CHD9: variants seen among roughly 807,000 people sequenced by gnomAD.
The protein encoded by CHD9 is chromodomain helicase DNA binding protein 9, also known as ATP-dependent chromatin remodeler CHD9.
In CHD9, 77 loss-of-function variants were observed where a neutral mutation model predicts 316.1. The observed-to-expected ratio is 0.24, with a 90% CI of 0.20 to 0.29. The LOEUF (loss-of-function observed/expected upper bound fraction) is 0.29, where lower values mean the gene tolerates loss of function less well. Ranked by LOEUF, CHD9 falls within the 10% of genes least tolerant of loss-of-function variation. The pLI, the probability that CHD9 is intolerant of heterozygous loss-of-function variation, is 1.00. For missense variants in CHD9, 2,763 were observed against 3,438.1 expected, an observed-to-expected ratio of 0.80 and a Z score of 4.91; for synonymous variants, 1,129 against 1,158.3, an observed-to-expected ratio of 0.97 and a Z score of 0.51.
intron 1 of CHD9, among the ~76,000 whole-genome samples, chr16:53,072,811 C>T (rs1383304202): frequency 6.6e-6 from 1 of 152,116 alleles, no homozygotes; most frequent in Non-Finnish European, 1.5e-5. Flanking sequence ...TCTCCTGCCT[C>T]AGCCTCCTGA....
chr16:53,248,526 GTTTTT>G (rs542703474), intron 16 of CHD9, among the ~76,000 whole-genome samples: 1 of 105,994 alleles, frequency 9.4e-6, no homozygotes, highest in South Asian at 3.1e-4. Flanking sequence ...TTTTTTTTTT[GTTTTT>G]TTTTTTTTTT....
At chr16:53,080,308 C>T (rs1197793581) in intron 1 of CHD9, among the ~76,000 whole-genome samples, 3 of 152,156 alleles carry the variant, frequency 2.0e-5, no homozygotes, top group South Asian at 2.1e-4. Flanking sequence ...CCTACTCACA[C>T]GCCCATCAAC....
At chr16:53,083,664 C>A (rs1443993917) in intron 1 of CHD9, among the ~76,000 whole-genome samples, 1 of 152,048 alleles carries the variant, frequency 6.6e-6, no homozygotes, top group African/African-American at 2.4e-5. Flanking sequence ...CAGTTTCCCT[C>A]TTTTCTCTCA....
chr16:53,318,634 T>G (rs763451021), intron 37 of CHD9, among the ~76,000 whole-genome samples: 8 of 152,212 alleles, frequency 5.3e-5, no homozygotes, highest in Non-Finnish European at 8.8e-5. Context: ...GTCATTCTCA[T>G]CGGGGTGATT....
intron 1 of CHD9, among the ~76,000 whole-genome samples, chr16:53,080,619 T>A (rs1279476571): frequency 6.6e-6 from 1 of 152,094 alleles, no homozygotes; most frequent in Non-Finnish European, 1.5e-5. Flanking sequence ...ACAAGCTGGG[T>A]TTGACTGAAT....
chr16:53,224,393 C>G (rs969784031), intron 4 of CHD9, among the ~76,000 whole-genome samples: 2 of 152,146 alleles, frequency 1.3e-5, no homozygotes, highest in Non-Finnish European at 2.9e-5. Flanking sequence ...ACTATGTCCT[C>G]TAGTGGAGTG....
In CHD9 at chr16:53,324,727, A is replaced by C. The variant is rs748459782; in HGVS notation, c.8526A>C (p.Val2842=). ...TAGGCTCGTCTAAGTCTGTAGAAGTAAAAGAAGAAGATTCCAGAATTAAAG... is the reference window on the plus strand; with the variant it reads ...TAGGCTCGTCTAAGTCTGTAGAAGTCAAAGAAGAAGATTCCAGAATTAAAG... ...SDLGSSKSVE[V]KEEDSRIKDQ... The change falls in exon 39 of 39, where the codon GTA becomes GTC. Residue 2842 remains valine (V), a synonymous_variant. Coordinates refer to ENST00000447540, the MANE Select transcript of CHD9 (RefSeq NM_001308319.2). The C allele has an allele frequency of 1.5e-5, 25 of 1,613,406 alleles. No individual in the cohort carries two copies. Among genetic ancestry groups the C allele is most frequent in the Non-Finnish European group, 1.8e-5 (21 of 1,179,634 alleles).
At position 53,229,083 on chromosome 16, in the gene CHD9, G is replaced by T. The variant is rs367746388; in HGVS notation, c.2269G>T (p.Ala757Ser). 1 of 1,579,234 alleles carries T rather than the reference G, an allele frequency of 6.3e-7. No individual in the cohort carries two copies. Among genetic ancestry groups the T allele is most frequent in the South Asian group, 1.2e-5 (1 of 84,156 alleles). Reference sequence around the variant, plus strand: ...ATTCAAATTGAGACAAGCACAAAGAGCACATTTTTTTGCAGACGTAAGAAA... The same window carrying T: ...ATTCAAATTGAGACAAGCACAAAGATCACATTTTTTTGCAGACGTAAGAAA... ...KRFKLRQAQR[A>S]HFFADMEEEP... The change falls in exon 8 of 39, where the codon GCA becomes TCA. Residue 757 changes from alanine (A) to serine (S), a missense_variant. This residue lies in a region of CHD9 where 859 missense variants were observed against 890.4 expected (regional missense o/e 0.96). Transcript: ENST00000447540.
Position 53,245,319 on chromosome 16 carries a change from G to T in CHD9, c.3055-17G>T. 2 of 1,495,078 alleles carry T rather than the reference G, an allele frequency of 1.3e-6. No individual in the cohort carries two copies. Among genetic ancestry groups the T allele is most frequent in the Non-Finnish European group, 1.8e-6 (2 of 1,124,030 alleles). 92.6% of individuals were successfully genotyped at this position (1,495,078 alleles called of 1,614,324 possible). A position where few individuals can be genotyped will look rare whatever the true frequency, so the allele number is the denominator to read the frequency against. ...AGTACTGTGATGTTTGATGTGAATT[G>T]TTCTCACTTTTTGTAGGAACACAAG... On this transcript the variant is annotated splice_polypyrimidine_tract_variant and intron_variant, in intron 13 of 38. Coordinates refer to ENST00000447540, the MANE Select transcript of CHD9 (RefSeq NM_001308319.2). The surrounding 1 kb of genome is among the most constrained non-coding windows in gnomAD (Gnocchi z 4.1).
At chr16:53,189,347 C>G (rs774262079) in intron 2 of CHD9, among the ~76,000 whole-genome samples, 1 of 151,770 alleles carries the variant, frequency 6.6e-6, no homozygotes, top group East Asian at 1.9e-4. Flanking sequence ...CTTTTTATTC[C>G]TAGTTTGTTT....
At chr16:53,152,513 G>A (rs1260880772) in intron 1 of CHD9, among the ~76,000 whole-genome samples, 1 of 152,200 alleles carries the variant, frequency 6.6e-6, no homozygotes, top group African/African-American at 2.4e-5. Context: ...TGCAGCCAGA[G>A]CTGAAGGCAG....
At chr16:53,317,868 A>G (rs563265875) in intron 36 of CHD9, among the ~76,000 whole-genome samples, 26 of 152,138 alleles carry the variant, frequency 1.7e-4, no homozygotes, top group Non-Finnish European at 7.4e-5. Context: ...AGCCTGGGCA[A>G]TGCGGCAAAA....
At position 53,303,924 on chromosome 16, in the gene CHD9, G is replaced by C; in HGVS notation, c.5918G>C (p.Gly1973Ala). The C allele has an allele frequency of 6.2e-7, 1 of 1,613,990 alleles. No individual in the cohort carries two copies. Among genetic ancestry groups the C allele is most frequent in the Non-Finnish European group, 8.5e-7 (1 of 1,179,874 alleles). Residue 1973 changes from glycine to alanine, a missense_variant, in exon 31 of 39, where the codon GGT becomes GCT. This residue lies in a region of CHD9 where 663 missense variants were observed against 751.2 expected (regional missense o/e 0.88). Coordinates refer to ENST00000447540, the MANE Select transcript of CHD9 (RefSeq NM_001308319.2). ...CCTCATGATAGGGATTTGCTTATTG[G>C]TGCTGCCAAACACGGGGTGAGCCGA... ...CGPHDRDLLIGAAKHGVSRTD... is the reference protein window; with the variant it reads ...CGPHDRDLLIAAAKHGVSRTD...
chr16:53,228,540 T>G (rs974696632), intron 7 of CHD9, among the ~76,000 whole-genome samples: 9 of 145,628 alleles, frequency 6.2e-5, no homozygotes, highest in African/African-American at 2.3e-4. Context: ...TGAAAGTGTT[T>G]TTTTTTTTTT....
intron 23 of CHD9, 91 bp downstream of exon 23, chr16:53,273,876 A>C: frequency 8.2e-7 from 1 of 1,215,656 alleles, no homozygotes. Flanking sequence ...TTGAGTACAG[A>C]GACAGCATGG....
In CHD9 at chr16:53,314,847, C is replaced by A; in HGVS notation, c.7387C>A (p.Gln2463Lys). ...GGTTTCTTTAGGCTTAACCTCCTCA[C>A]AGATTTCCACAGGGATAAATCCAGC... ...NHVSLGLTSS[Q>K]ISTGINPALS... The change falls in exon 36 of 39, where the codon CAG (glutamine) becomes AAG (lysine). Residue 2463 changes from glutamine to lysine, a missense_variant. This residue lies in a region of CHD9 where 663 missense variants were observed against 751.2 expected (regional missense o/e 0.88). Coordinates refer to ENST00000447540, the MANE Select transcript of CHD9 (RefSeq NM_001308319.2). The A allele has an allele frequency of 1.2e-6, 2 of 1,612,962 alleles. No individual in the cohort carries two copies. Among genetic ancestry groups the A allele is most frequent in the Non-Finnish European group, 1.7e-6 (2 of 1,179,428 alleles).
intron 24 of CHD9, among the ~76,000 whole-genome samples, chr16:53,277,233 G>A (rs1329436661): frequency 6.6e-6 from 1 of 152,102 alleles, no homozygotes; most frequent in Non-Finnish European, 1.5e-5. Flanking sequence ...TAGAGAAAGA[G>A]AGAATCCTCC....
intron 2 of CHD9, chr16:53,208,780 A>G (rs1273797299): frequency 1.5e-5 from 13 of 845,010 alleles, no homozygotes; most frequent in South Asian, 5.4e-5. Context: ...AATTCTTTTT[A>G]AAATGCTCTT....
chr16:53,223,128 G>T lies in CHD9; in HGVS notation c.1896+373G>T, dbSNP rs562375323. 7.2e-5 allele frequency among the ~76,000 whole-genome samples: 11 copies of T among 152,244 alleles called. No homozygotes were observed. In the South Asian group the frequency reaches 2.3e-3, roughly 32 times the overall value. On this transcript the variant is annotated intron_variant, in intron 4 of 38. Transcript: ENST00000447540. ...GTAATTTTTTAAATCACATACAAAT[G>T]ACAGAGCAAATGGATTGAATCATTC... is the stretch of plus-strand genomic sequence containing the variant.
Sources: gnomAD v4.1 joint callset for allele counts (sites outside exome capture counted in the v4.1 genomes callset) on GRCh38, gnomAD v4.1.1 for gene constraint, gnomAD v4.1.1 regional missense constraint, Gnocchi (gnomAD v3.1) non-coding constraint, MANE v1.5 for transcripts, NCBI Gene and HGNC (gene_info 2026-07-23, HGNC 2026-07-21) for gene names.